PRR14L: variants seen among roughly 807,000 people sequenced by gnomAD.
PRR14L encodes proline rich 14 like.
Under a neutral mutation model 155.0 loss-of-function variants are expected in PRR14L, and 80 were observed. The observed-to-expected ratio is 0.52, with a 90% CI of 0.43 to 0.62. The LOEUF is 0.62. PRR14L is among the 20% of genes least tolerant of loss of function. The pLI is 0.00. For missense variants in PRR14L, 2,469 were observed against 2,548.0 expected, an observed-to-expected ratio of 0.97 and a Z score of 0.67; for synonymous variants, 883 against 916.0, an observed-to-expected ratio of 0.96 and a Z score of 0.65.
chr22:31,724,514 C>T (rs2074706815), intron 3 of PRR14L, among the ~76,000 whole-genome samples: 1 of 152,152 alleles, frequency 6.6e-6, no homozygotes, highest in African/African-American at 2.4e-5. Flanking sequence ...TATCCTTCTG[C>T]CTTAGCCTCC....
At chr22:31,709,540 T>G (rs1489351731) in intron 4 of PRR14L, among the ~76,000 whole-genome samples, 2 of 138,352 alleles carry the variant, frequency 1.4e-5, no homozygotes, top group African/African-American at 2.7e-5. Context: ...GGGGTTTTTT[T>G]TTTTTTTTTT....
intron 7 of PRR14L, among the ~76,000 whole-genome samples, chr22:31,696,786 A>C (rs918428997): frequency 6.6e-6 from 1 of 152,126 alleles, no homozygotes; most frequent in Non-Finnish European, 1.5e-5. Context: ...TTTACTACAC[A>C]TTATTCAGTT....
At chr22:31,701,371 C>T (rs1228922516) in intron 7 of PRR14L, among the ~76,000 whole-genome samples, 2 of 152,152 alleles carry the variant, frequency 1.3e-5, no homozygotes, top group Non-Finnish European at 2.9e-5. Flanking sequence ...GGAGCTTGAG[C>T]TCTGGGGTTG....
chr22:31,695,963 T>C (rs950562284), intron 7 of PRR14L, among the ~76,000 whole-genome samples: 37 of 152,166 alleles, frequency 2.4e-4, no homozygotes, highest in African/African-American at 8.9e-4. Context: ...TGTCTCCTGA[T>C]TGGACTTGAA....
At chr22:31,690,924 G>A (rs1418169795) in intron 7 of PRR14L, among the ~76,000 whole-genome samples, 5 of 147,310 alleles carry the variant, frequency 3.4e-5, no homozygotes, top group African/African-American at 1.0e-4. Context: ...ACAGCTGTGA[G>A]CCACCATGCC....
In PRR14L at chr22:31,712,600, G is replaced by A; in HGVS notation, c.5239C>T (p.Leu1747Phe). 6.4e-7 allele frequency: 1 copy of A among 1,551,732 alleles called. No homozygotes were observed. Among genetic ancestry groups the A allele is most frequent in the Non-Finnish European group, 8.7e-7 (1 of 1,146,998 alleles). ...CACTGGAGGGCCTCTCCTAAGGCAA[G>A]CCTTGCCGGAGCACAGTGCTCAGGA... ...TFPEHCAPAR[L>F]ALGEALQCPS... Residue 1747 changes from leucine (L) to phenylalanine (F), a missense_variant, in exon 4 of 9, where the codon CTT (leucine) becomes TTT (phenylalanine). Coordinates refer to ENST00000327423, the MANE Select transcript of PRR14L (RefSeq NM_173566.3).
chr22:31,720,755 A>T (rs1248489071), intron 3 of PRR14L, among the ~76,000 whole-genome samples: 2 of 152,124 alleles, frequency 1.3e-5, no homozygotes, highest in African/African-American at 4.8e-5. Context: ...AAATAAAATA[A>T]AAATAAACAT....
intron 1 of PRR14L, among the ~76,000 whole-genome samples, chr22:31,741,586 G>GT (rs2074813349): frequency 6.6e-6 from 1 of 152,130 alleles, no homozygotes; most frequent in African/African-American, 2.4e-5. Context: ...AAACAGTGCT[G>GT]TAAGGCTGGG....
At chr22:31,728,614 A>AG (rs1328849201) in intron 2 of PRR14L, among the ~76,000 whole-genome samples, 1 of 151,718 alleles carries the variant, frequency 6.6e-6, no homozygotes, top group African/African-American at 2.4e-5. Flanking sequence ...ATCTCGAAAA[A>AG]AAAAAAAAAA....
rs141024355 is a variant in PRR14L, at chr22:31,713,700, C to T, written c.4139G>A (p.Arg1380Gln). Residue 1380 changes from arginine (R) to glutamine (Q), a missense_variant, in exon 4 of 9, where the codon CGG (arginine) becomes CAG (glutamine). Transcript: ENST00000327423. ...TTTTTCAGCATGATTAAGTATCCCC[C>T]GGCATTTAAAATGGGTCTGAGAGAT... ...SNISQTHFKC[R>Q]GILNHAEKQQ... 45 of 1,552,224 alleles carry T rather than the reference C, an allele frequency of 2.9e-5. No individual in the cohort carries two copies. The East Asian group carries it at 3.7e-4, about 13-fold the overall frequency.
At chr22:31,704,481 G>T in intron 5 of PRR14L, 174 bp downstream of exon 5, 2 of 433,924 alleles carry the variant, frequency 4.6e-6, no homozygotes, top group Non-Finnish European at 8.3e-6. Context: ...GTTGCTGCTT[G>T]TAATAGAACA....
At chr22:31,746,121 G>C (rs1191007982) in intron 1 of PRR14L, among the ~76,000 whole-genome samples, 1 of 152,084 alleles carries the variant, frequency 6.6e-6, no homozygotes, top group Non-Finnish European at 1.5e-5. Context: ...GTAGAGACAA[G>C]GTCTCACTAC....
chr22:31,731,010 C>A (rs958476656), intron 2 of PRR14L, among the ~76,000 whole-genome samples: 4 of 152,178 alleles, frequency 2.6e-5, no homozygotes, highest in South Asian at 2.1e-4. Flanking sequence ...CTGGGAGCCC[C>A]TTCAAGTTGG....
rs1031729442 is a variant in PRR14L at position 31,682,128 on chromosome 22, C to T, written c.*3399G>A. 6.6e-6 allele frequency: 1 copy of T among 152,236 alleles called. No individual in the cohort carries two copies. The highest frequency in any genetic ancestry group is 2.4e-5 in the African/African-American group (1 of 41,466). The allele number at this position is 152,236 out of a possible 1,614,324, so 9.4% of individuals were successfully genotyped here. A position where few individuals can be genotyped will look rare whatever the true frequency, so the allele number is the denominator to read the frequency against. Reference sequence around the variant, plus strand: ...GACGGCCGTGCATTCATTGGCTGCACCGCGGCCTTGGATCTGCTGCTCCCG... The same window carrying T: ...GACGGCCGTGCATTCATTGGCTGCATCGCGGCCTTGGATCTGCTGCTCCCG... On this transcript the variant is annotated 3_prime_UTR_variant, in exon 9 of 9. Transcript: ENST00000327423.
At chr22:31,705,518 C>T (rs559123293) in intron 4 of PRR14L, among the ~76,000 whole-genome samples, 1 of 151,878 alleles carries the variant, frequency 6.6e-6, no homozygotes, top group African/African-American at 2.4e-5. Flanking sequence ...GGACTATAGG[C>T]GCGTGCCATC....
At position 31,715,376 on chromosome 22, in the gene PRR14L, T is replaced by C. The variant is rs200364483; in HGVS notation, c.2463A>G (p.Ile821Met). 673 of 1,552,098 alleles carry C rather than the reference T, an allele frequency of 4.3e-4. 1 individual carries two copies. Among genetic ancestry groups the C allele is most frequent in the Non-Finnish European group, 5.3e-4 (605 of 1,147,114 alleles). The change falls in exon 4 of 9, where the codon ATA (isoleucine) becomes ATG (methionine). Residue 821 changes from isoleucine (I) to methionine (M), a missense_variant. Physicochemically the swap from Ile to Met is conservative, Grantham distance 10 (BLOSUM62 1). Transcript: ENST00000327423. The part of the protein sequence containing the change: ...KISLQVDNSL[I>M]TKYENAFQHR... ...GCTGAAATGCATTTTCATATTTTGTTATCAAAGAGTTATCAACTTGCAGGC... is the reference window on the plus strand; with the variant it reads ...GCTGAAATGCATTTTCATATTTTGTCATCAAAGAGTTATCAACTTGCAGGC...
At chr22:31,696,897 A>G (rs2074537317) in intron 7 of PRR14L, among the ~76,000 whole-genome samples, 1 of 152,008 alleles carries the variant, frequency 6.6e-6, no homozygotes, top group Non-Finnish European at 1.5e-5. Flanking sequence ...GGCAGATCAC[A>G]TGAGGTCAGG....
chr22:31,701,069 C>T (rs888839228), intron 7 of PRR14L, among the ~76,000 whole-genome samples: 1 of 151,734 alleles, frequency 6.6e-6, no homozygotes, highest in Non-Finnish European at 1.5e-5. Context: ...CTCACCACAA[C>T]CTCCACCTCC....
At position 31,715,485 on chromosome 22, in the gene PRR14L, A is replaced by G. The variant is rs1166866625; in HGVS notation, c.2354T>C (p.Ile785Thr). ...TTTTCTTACACGATGACAGCTAGAG[A>G]TATCCTGAGATTGAACGCTGTGACA... ...IECHSVQSQD[I>T]SSCHRVRKNV... Residue 785 changes from isoleucine to threonine, a missense_variant, in exon 4 of 9, where the codon ATC becomes ACC. By Grantham distance (89) the Ile-to-Thr change is moderately conservative. Coordinates refer to ENST00000327423, the MANE Select transcript of PRR14L (RefSeq NM_173566.3). The G allele has an allele frequency of 1.9e-6, 3 of 1,552,198 alleles. No homozygotes were observed. The highest frequency in any genetic ancestry group is 2.7e-5 in the African/African-American group (2 of 73,056).
Sources: allele counts gnomAD v4.1 joint callset (sites outside exome capture counted in the v4.1 genomes callset), GRCh38; gene constraint gnomAD v4.1.1; transcripts MANE v1.5; gene names NCBI Gene and HGNC (gene_info 2026-07-23, HGNC 2026-07-21).